The following CYP7B1 variants were observed in gnomAD, a reference collection of about 807,000 sequenced individuals.
CYP7B1 encodes cytochrome P450 family 7 subfamily B member 1, also known as cytochrome P450 7B1.
A neutral mutation model predicts 42.7 loss-of-function variants in CYP7B1; 29 were observed. That is an observed-to-expected ratio of 0.68 (90% confidence interval 0.51 to 0.93). CYP7B1 has a LOEUF of 0.93. Among genes scored for constraint, CYP7B1 ranks in the 40% least tolerant of loss-of-function variants. The pLI, the probability that CYP7B1 is intolerant of heterozygous loss-of-function variation, is 0.00. For synonymous variants in CYP7B1, 235 were observed against 218.2 expected (o/e 1.08, Z -0.68); for missense variants, 655 against 600.5 (o/e 1.09, Z -0.95).
rs151059625 is a variant in CYP7B1, at chr8:64,616,642, A to G, written c.260-361T>C. 4.2e-4 allele frequency among the ~76,000 whole-genome samples: 64 copies of G among 152,328 alleles called. 1 individual carries two copies. The highest frequency in any genetic ancestry group is 1.5e-3 in the African/African-American group (61 of 41,586). On this transcript the variant is annotated intron_variant, in intron 2 of 5. Coordinates refer to ENST00000310193, the MANE Select transcript of CYP7B1 (RefSeq NM_004820.5). ...TATATTTCCCTCAATAAAGCAGAAA[A>G]CAAATTGGCAACATGCCATTCCATT... is the stretch of plus-strand genomic sequence containing the variant.
intron 1 of CYP7B1, among the ~76,000 whole-genome samples, chr8:64,662,323 C>A (rs1340492051): frequency 6.6e-6 from 1 of 152,046 alleles, no homozygotes; most frequent in Non-Finnish European, 1.5e-5. Context: ...CAGCAAGAGA[C>A]CGCCTCTATA....
chr8:64,676,752 T>C (rs1328605408), intron 1 of CYP7B1, among the ~76,000 whole-genome samples: 1 of 152,142 alleles, frequency 6.6e-6, no homozygotes, highest in East Asian at 1.9e-4. Context: ...TATTAAATGG[T>C]CATTTGCTCC....
chr8:64,773,665 C>G (rs1303357451), intron 1 of CYP7B1, among the ~76,000 whole-genome samples: 2 of 152,162 alleles, frequency 1.3e-5, no homozygotes, highest in Non-Finnish European at 2.9e-5. Flanking sequence ...ATACCACAGA[C>G]TGGGTTACTT....
At chr8:64,660,774 T>C (rs1806188565) in intron 1 of CYP7B1, among the ~76,000 whole-genome samples, 1 of 152,182 alleles carries the variant, frequency 6.6e-6, no homozygotes, top group African/African-American at 2.4e-5. Context: ...ACTACCAGGA[T>C]AGCCTCACCA....
At chr8:64,774,539 C>G (rs911938126) in intron 1 of CYP7B1, among the ~76,000 whole-genome samples, 1 of 151,858 alleles carries the variant, frequency 6.6e-6, no homozygotes. Flanking sequence ...TAAAAAAAAA[C>G]TACATATAAA....
chr8:64,706,208 T>G (rs533839911), intron 1 of CYP7B1, among the ~76,000 whole-genome samples: 30 of 152,154 alleles, frequency 2.0e-4, no homozygotes, highest in African/African-American at 7.0e-4. Context: ...CCTCTAAACT[T>G]GATCCTAATG....
At chr8:64,624,900 A>T (rs1482279705) in intron 1 of CYP7B1, among the ~76,000 whole-genome samples, 2 of 97,396 alleles carry the variant, frequency 2.1e-5, no homozygotes, top group African/African-American at 4.1e-5. Flanking sequence ...ATCCCATCCC[A>T]CCCTTCCCCC....
chr8:64,704,857 TAATC>T (rs1371106944), intron 1 of CYP7B1, among the ~76,000 whole-genome samples: 28 of 152,188 alleles, frequency 1.8e-4, no homozygotes, highest in African/African-American at 6.0e-4. Flanking sequence ...AATATCTACT[TAATC>T]AATTAAATCA....
intron 1 of CYP7B1, among the ~76,000 whole-genome samples, chr8:64,781,217 A>C (rs1332407975): frequency 2.6e-5 from 4 of 152,144 alleles, no homozygotes; most frequent in Non-Finnish European, 5.9e-5. Flanking sequence ...AAAGTCCACC[A>C]AGGTCCAATC....
At chr8:64,795,088 T>C (rs1034945207) in intron 1 of CYP7B1, among the ~76,000 whole-genome samples, 1 of 152,166 alleles carries the variant, frequency 6.6e-6, no homozygotes, top group Non-Finnish European at 1.5e-5. Flanking sequence ...CTATATTCTA[T>C]GCCCCTCAAT....
chr8:64,723,863 T>C (rs568906264), intron 1 of CYP7B1, among the ~76,000 whole-genome samples: 17 of 152,286 alleles, frequency 1.1e-4, no homozygotes, highest in South Asian at 1.0e-3. Context: ...TGGAATATTA[T>C]AGAACGTTAA....
At position 64,615,946 on chromosome 8, in the gene CYP7B1, T is replaced by C; in HGVS notation, c.595A>G (p.Lys199Glu). ...TTGTTGTTGTCACAAACAATAACTT[T>C]TCCATATATAGTTGTAAATGTGATC... is the stretch of plus-strand genomic sequence containing the variant. Reference protein sequence around the residue: ...FEITFTTIYGKVIVCDNNKFI... With the variant: ...FEITFTTIYGEVIVCDNNKFI... Residue 199 changes from lysine to glutamate, a missense_variant, in exon 3 of 6, where the codon AAA (lysine) becomes GAA (glutamate). By Grantham distance (56) the Lys-to-Glu change is moderately conservative. Transcript: ENST00000310193. 1 of 1,613,642 alleles carries C rather than the reference T, an allele frequency of 6.2e-7. No homozygotes were observed. Among genetic ancestry groups the C allele is most frequent in the Non-Finnish European group, 8.5e-7 (1 of 1,179,774 alleles).
chr8:64,665,565 T>G (rs1164802355), intron 1 of CYP7B1, among the ~76,000 whole-genome samples: 2 of 12,416 alleles, frequency 1.6e-4, no homozygotes, highest in African/African-American at 2.9e-4. Flanking sequence ...GGTGGTTTTT[T>G]TTTTTTTTTT....
intron 1 of CYP7B1, among the ~76,000 whole-genome samples, chr8:64,730,731 C>T (rs1335291999): frequency 6.9e-6 from 1 of 145,882 alleles, no homozygotes; most frequent in Admixed American, 6.9e-5. Context: ...AATTGGAACC[C>T]TGTGAAGCAA....
At chr8:64,640,953 T>C (rs1000809392) in intron 1 of CYP7B1, among the ~76,000 whole-genome samples, 2 of 152,192 alleles carry the variant, frequency 1.3e-5, no homozygotes, top group African/African-American at 4.8e-5. Flanking sequence ...TGTGGCTAAA[T>C]GAGCCAAGAT....
rs1320730986 is a variant in CYP7B1, at chr8:64,604,770, G to C, written c.1145C>G (p.Thr382Ser). ...TCCCTTTCGCACACAGTAGTCCCCGGTCTCTGAACTGAGAGTCAAATCCTC... is the reference window on the plus strand; with the variant it reads ...TCCCTTTCGCACACAGTAGTCCCCGCTCTCTGAACTGAGAGTCAAATCCTC... ...VEEDLTLSSE[T>S]GDYCVRKGDL... is the part of the protein sequence containing the mutation. Residue 382 changes from threonine to serine, a missense_variant, in exon 5 of 6, where the codon ACC (threonine) becomes AGC (serine). Transcript: ENST00000310193. 2 of 1,614,140 alleles carry C rather than the reference G, an allele frequency of 1.2e-6. No individual in the cohort carries two copies. Among genetic ancestry groups the C allele is most frequent in the Admixed American group, 1.7e-5 (1 of 60,024 alleles).
intron 1 of CYP7B1, among the ~76,000 whole-genome samples, chr8:64,722,750 G>GT (rs1554535544): frequency 2.0e-5 from 2 of 102,298 alleles, no homozygotes; most frequent in African/African-American, 3.7e-5. Flanking sequence ...CGGCGGGGGG[G>GT]GGGGGGCGGG....
At chr8:64,757,901 A>G (rs1317100630) in intron 1 of CYP7B1, among the ~76,000 whole-genome samples, 2 of 152,154 alleles carry the variant, frequency 1.3e-5, no homozygotes, top group African/African-American at 4.8e-5. Context: ...TCCCATGGGG[A>G]CAGTTCTCAG....
intron 4 of CYP7B1, among the ~76,000 whole-genome samples, chr8:64,607,083 G>C (rs1399703365): frequency 6.6e-6 from 1 of 152,168 alleles, no homozygotes; most frequent in African/African-American, 2.4e-5. Context: ...CTGCACGGTA[G>C]AGCAACATCT....
Sources: gnomAD v4.1 joint callset for allele counts (sites outside exome capture counted in the v4.1 genomes callset) on GRCh38, gnomAD v4.1.1 for gene constraint, MANE v1.5 for transcripts, NCBI Gene and HGNC (gene_info 2026-07-23, HGNC 2026-07-21) for gene names.